The following ADAMTSL1 variants were observed in gnomAD, a reference collection of about 807,000 sequenced individuals.
ADAMTSL1 encodes the protein ADAMTS-like protein 1.
In ADAMTSL1, 126 loss-of-function variants were observed where a neutral mutation model predicts 201.8. That is an observed-to-expected ratio of 0.62 (90% CI 0.54 to 0.72). The LOEUF (loss-of-function observed/expected upper bound fraction) is 0.72, where lower values mean the gene tolerates loss of function less well. Ranked by LOEUF, ADAMTSL1 falls within the 30% of genes least tolerant of loss-of-function variation. The pLI is 0.00. For synonymous variants in ADAMTSL1, 1,121 were observed against 903.4 expected (o/e 1.24, Z -4.32); for missense variants, 2,679 against 2,277.8 (o/e 1.18, Z -3.59).
intron 2 of ADAMTSL1, among the ~76,000 whole-genome samples, chr9:18,409,383 C>CAAAAAAAAAAAAAA (rs781106126): frequency 2.6e-5 from 2 of 77,230 alleles, no homozygotes; most frequent in Non-Finnish European, 2.6e-5. Context: ...AACTCCGTCT[C>CAAAAAAAAAAAAAA]AAAAAAAAAA....
At position 18,695,061 on chromosome 9, in the gene ADAMTSL1, G is replaced by A. The variant is rs989973925; in HGVS notation, c.1574+10261G>A. ...ACATATCTGGAGCCCTTTTAGCCAT[G>A]GCTGGAGCTGGAGCAGCTGGGACAC... is the stretch of plus-strand genomic sequence containing the variant. On this transcript the variant is annotated intron_variant, in intron 13 of 28. Coordinates refer to ENST00000380548, the MANE Select transcript of ADAMTSL1 (RefSeq NM_001040272.6). Among the ~76,000 whole-genome samples the A allele has an allele frequency of 2.0e-5, 3 of 152,220 alleles. 1 individual carries two copies. The highest frequency in any genetic ancestry group is 4.1e-4 in the South Asian group (2 of 4,826).
intron 23 of ADAMTSL1, among the ~76,000 whole-genome samples, chr9:18,848,809 A>G (rs985422017): frequency 6.6e-6 from 1 of 152,262 alleles, no homozygotes; most frequent in African/African-American, 2.4e-5. Flanking sequence ...GCAGCCATAG[A>G]CCATAAGTAA....
chr9:18,499,809 C>G (rs990256789), intron 1 of ADAMTSL1, among the ~76,000 whole-genome samples: 1 of 152,206 alleles, frequency 6.6e-6, no homozygotes, highest in Admixed American at 6.5e-5. Context: ...AAAAACACTT[C>G]TCTTATACTA....
At chr9:18,530,012 A>C (rs1819339259) in intron 2 of ADAMTSL1, among the ~76,000 whole-genome samples, 1 of 152,136 alleles carries the variant, frequency 6.6e-6, no homozygotes. Flanking sequence ...ATGCCTGTAA[A>C]ATTTGTGTAG....
At chr9:18,047,925 AGTC>A (rs1318860733) in intron 1 of ADAMTSL1, among the ~76,000 whole-genome samples, 1 of 152,182 alleles carries the variant, frequency 6.6e-6, no homozygotes, top group Non-Finnish European at 1.5e-5. Context: ...TAAAGATCTG[AGTC>A]CTCCACCCAG....
intron 23 of ADAMTSL1, among the ~76,000 whole-genome samples, chr9:18,862,308 T>G (rs1453639244): frequency 6.6e-6 from 1 of 152,188 alleles, no homozygotes; most frequent in African/African-American, 2.4e-5. Context: ...TTAGCCTGAG[T>G]TCCTGAGGCA....
intron 2 of ADAMTSL1, among the ~76,000 whole-genome samples, chr9:18,298,451 C>A (rs1157907872): frequency 6.6e-6 from 1 of 152,104 alleles, no homozygotes; most frequent in African/African-American, 2.4e-5. Flanking sequence ...TGGCACAAAG[C>A]ACTGACTGAA....
chr9:18,400,544 A>G (rs1817947379), intron 2 of ADAMTSL1, among the ~76,000 whole-genome samples: 1 of 152,226 alleles, frequency 6.6e-6, no homozygotes. Flanking sequence ...GAAATCAAGT[A>G]AATTTTATTT....
At chr9:18,804,464 C>T (rs750062181) in intron 20 of ADAMTSL1, among the ~76,000 whole-genome samples, 6 of 152,096 alleles carry the variant, frequency 3.9e-5, no homozygotes, top group Non-Finnish European at 8.8e-5. Context: ...ATGCAAAAGA[C>T]ATTGGGAAGG....
intron 1 of ADAMTSL1, among the ~76,000 whole-genome samples, chr9:18,008,250 T>C (rs749280082): frequency 1.3e-5 from 2 of 151,976 alleles, no homozygotes; most frequent in Non-Finnish European, 2.9e-5. Context: ...AATAAGTTCT[T>C]GCTGTTCAGG....
chr9:18,162,688 G>C (rs761988429), intron 1 of ADAMTSL1, among the ~76,000 whole-genome samples: 8 of 151,618 alleles, frequency 5.3e-5, no homozygotes, highest in Non-Finnish European at 1.0e-4. Flanking sequence ...TTTCAAGAAG[G>C]TATAAATTAA....
intron 26 of ADAMTSL1, among the ~76,000 whole-genome samples, chr9:18,898,834 A>T (rs2131593614): frequency 6.6e-6 from 1 of 152,342 alleles, no homozygotes; most frequent in South Asian, 2.1e-4. Context: ...ACAAATCAGC[A>T]GTTGCTATTA....
At chr9:18,074,627 G>T (rs192368607) in intron 1 of ADAMTSL1, among the ~76,000 whole-genome samples, 1 of 144,672 alleles carries the variant, frequency 6.9e-6, no homozygotes, top group East Asian at 2.1e-4. Flanking sequence ...TTTCACTCTC[G>T]TCACTCAGGC....
At position 18,681,730 on chromosome 9, in the gene ADAMTSL1, A is replaced by G. The variant is rs1187597845; in HGVS notation, c.1342-82A>G. On this transcript the variant is annotated intron_variant, in intron 11 of 28. Coordinates refer to ENST00000380548, the MANE Select transcript of ADAMTSL1 (RefSeq NM_001040272.6). ...GGGGGCGGGGAAAAAGAAAACTTAG[A>G]TTAAAAGTTTTCGATGGGAAGTGAA... 7 of 1,092,554 alleles carry G rather than the reference A, an allele frequency of 6.4e-6. No individual in the cohort carries two copies. In the East Asian group the frequency reaches 1.2e-4, roughly 19 times the overall value. The allele number at this position is 1,092,554 out of a possible 1,614,324, so 67.7% of individuals were successfully genotyped here.
intron 1 of ADAMTSL1, among the ~76,000 whole-genome samples, chr9:18,130,173 T>C (rs1363679963): frequency 1.3e-5 from 2 of 152,150 alleles, no homozygotes; most frequent in Non-Finnish European, 2.9e-5. Flanking sequence ...TTCTTGTCTC[T>C]CCTTGCTCCA....
At position 18,156,637 on chromosome 9, in the gene ADAMTSL1, T is replaced by C. The variant is rs10629055; in HGVS notation, c.88-7225T>C. Among the ~76,000 whole-genome samples, 67 of 150,338 alleles carry C rather than the reference T, an allele frequency of 4.5e-4. No homozygotes were observed. The East Asian group carries it at 4.6e-3, about 10-fold the overall frequency. On this transcript the variant is annotated intron_variant, in intron 1 of 29. Transcript: ENST00000680146. ...GATTTAAAGCACAGACATAAACACA[T>C]ACACACACACACACACACACACACA...
At chr9:18,793,732 C>T (rs1256830798) in intron 19 of ADAMTSL1, among the ~76,000 whole-genome samples, 3 of 152,260 alleles carry the variant, frequency 2.0e-5, no homozygotes. Context: ...AACTGTCAAC[C>T]TAAAGTACCT....
At chr9:18,163,020 G>A (rs1222276169) in intron 1 of ADAMTSL1, among the ~76,000 whole-genome samples, 1 of 152,004 alleles carries the variant, frequency 6.6e-6, no homozygotes, top group Admixed American at 6.6e-5. Context: ...AGTAAACTGA[G>A]GCATAGAGAG....
chr9:18,174,541 C>A (rs1828052451), intron 2 of ADAMTSL1, among the ~76,000 whole-genome samples: 1 of 152,024 alleles, frequency 6.6e-6, no homozygotes, highest in South Asian at 2.1e-4. Context: ...TGAGCAGTGA[C>A]AAAATGTCCT....
Sources: allele counts gnomAD v4.1 joint callset (sites outside exome capture counted in the v4.1 genomes callset), GRCh38; gene constraint gnomAD v4.1.1; transcripts MANE v1.5; gene names NCBI Gene and HGNC (gene_info 2026-07-23, HGNC 2026-07-21).